Variants in STAG1 observed in about 807,000 individuals in gnomAD.
STAG1 encodes the protein cohesin subunit SA-1.
STAG1 carries 26 observed loss-of-function variants against 170.9 expected under a neutral mutation model. The observed-to-expected ratio is 0.15, with a 90% confidence interval of 0.11 to 0.21. The LOEUF (loss-of-function observed/expected upper bound fraction) is 0.21. STAG1 is among the 10% of genes least tolerant of loss of function. STAG1 has a pLI of 1.00. For synonymous variants in STAG1, 514 were observed against 497.7 expected (o/e 1.03, Z -0.44); for missense variants, 964 against 1,509.5 (o/e 0.64, Z 5.99).
intron 22 of STAG1, among the ~76,000 whole-genome samples, chr3:136,395,572 G>A (rs1387650343): frequency 1.3e-5 from 2 of 152,102 alleles, no homozygotes; most frequent in Admixed American, 6.5e-5. Context: ...AGTGAGTCAA[G>A]ATTGCACCAC....
Position 136,379,529 on chromosome 3 carries a change from T to TA in STAG1, c.2278-1778_2278-1777insT, listed in dbSNP as rs1244570238. 7.2e-5 allele frequency among the ~76,000 whole-genome samples: 11 copies of TA among 152,168 alleles called. No individual in the cohort carries two copies. The East Asian group carries it at 1.9e-3, about 27-fold the overall frequency. The stretch of plus-strand genomic sequence containing the variant: ...TTCGAGACCAGCCTGGCCAACATGA[T>TA]GAAACCCCGTCTCTATTAAAAATAG... On this transcript the variant is annotated intron_variant, in intron 22 of 33. Coordinates refer to ENST00000383202, the MANE Select transcript of STAG1 (RefSeq NM_005862.3).
At chr3:136,429,484 G>C (rs1158388326) in intron 16 of STAG1, among the ~76,000 whole-genome samples, 1 of 152,182 alleles carries the variant, frequency 6.6e-6, no homozygotes, top group Non-Finnish European at 1.5e-5. Context: ...ACTGGTACCA[G>C]ATGATGAGGA....
chr3:136,527,803 A>G (rs897949587), intron 6 of STAG1, among the ~76,000 whole-genome samples: 2 of 152,110 alleles, frequency 1.3e-5, no homozygotes, highest in African/African-American at 4.8e-5. Flanking sequence ...TCCTTCTTAC[A>G]GTCAAGACCC....
At chr3:136,597,643 C>T (rs953140671) in intron 4 of STAG1, among the ~76,000 whole-genome samples, 7 of 152,126 alleles carry the variant, frequency 4.6e-5, no homozygotes, top group African/African-American at 1.7e-4. Flanking sequence ...GAAAAGGCTA[C>T]TGATTTTTTA....
At chr3:136,460,925 A>G (rs951088201) in intron 13 of STAG1, among the ~76,000 whole-genome samples, 1 of 152,234 alleles carries the variant, frequency 6.6e-6, no homozygotes, top group Admixed American at 6.5e-5. Context: ...ACATGCATGT[A>G]AAAATTCTCA....
At chr3:136,626,317 T>C (rs1940089857) in intron 2 of STAG1, among the ~76,000 whole-genome samples, 1 of 151,318 alleles carries the variant, frequency 6.6e-6, no homozygotes, top group Non-Finnish European at 1.5e-5. Context: ...TCCCAGCTAC[T>C]TGGGAGGCTG....
chr3:136,599,523 T>C (rs1166571707), intron 4 of STAG1, among the ~76,000 whole-genome samples: 2 of 152,082 alleles, frequency 1.3e-5, no homozygotes, highest in Non-Finnish European at 2.9e-5. Context: ...AGAGCGAGAC[T>C]CTGTCTCAAA....
chr3:136,502,549 G>T, intron 8 of STAG1, 79 bp downstream of exon 8: 2 of 1,423,304 alleles, frequency 1.4e-6, no homozygotes, highest in South Asian at 1.5e-5. Flanking sequence ...CCTTTTTACA[G>T]GGAACTTAAA....
chr3:136,589,628 C>CAAAAAAAAA (rs71626007), intron 4 of STAG1, among the ~76,000 whole-genome samples: 2 of 46,210 alleles, frequency 4.3e-5, no homozygotes, highest in African/African-American at 1.4e-4. Flanking sequence ...CAAAGGGAGC[C>CAAAAAAAAA]AAAAAAAAAA....
chr3:136,368,776 G>A (rs1197076789), intron 24 of STAG1, among the ~76,000 whole-genome samples: 1 of 152,120 alleles, frequency 6.6e-6, no homozygotes, highest in African/African-American at 2.4e-5. Context: ...TTAAAGGAGG[G>A]AGACTTCACT....
intron 29 of STAG1, among the ~76,000 whole-genome samples, chr3:136,347,057 C>T (rs1342836850): frequency 4.9e-5 from 7 of 143,974 alleles, no homozygotes; most frequent in South Asian, 2.2e-4. Context: ...CCAGCCTGGG[C>T]GACAGAGTGA....
At chr3:136,506,631 G>A (rs2107874893) in intron 7 of STAG1, among the ~76,000 whole-genome samples, 1 of 130,592 alleles carries the variant, frequency 7.7e-6, no homozygotes, top group Admixed American at 8.9e-5. Flanking sequence ...GTGAGACACA[G>A]CAAGACTCCA....
At chr3:136,747,686 TA>T (rs1165327806) in intron 1 of STAG1, among the ~76,000 whole-genome samples, 6 of 151,130 alleles carry the variant, frequency 4.0e-5, no homozygotes, top group Non-Finnish European at 7.4e-5. Flanking sequence ...TCTCAAAAAA[TA>T]AAAAATAAAT....
At chr3:136,649,519 A>AG (rs1559930089) in intron 1 of STAG1, among the ~76,000 whole-genome samples, 1 of 151,516 alleles carries the variant, frequency 6.6e-6, no homozygotes, top group African/African-American at 2.4e-5. Context: ...AAAAAAAAAA[A>AG]AAAGAAAGGG....
intron 32 of STAG1, among the ~76,000 whole-genome samples, chr3:136,340,133 A>G (rs1318398971): frequency 6.6e-6 from 1 of 152,138 alleles, no homozygotes; most frequent in East Asian, 1.9e-4. Flanking sequence ...TTCCTCCCAG[A>G]ATTCTGAGAA....
chr3:136,443,187 T>G (rs2107762378), intron 15 of STAG1, 100 bp downstream of exon 15: 1 of 694,616 alleles, frequency 1.4e-6, no homozygotes, highest in South Asian at 2.7e-5. Flanking sequence ...AGACACAACA[T>G]GCTTATATAT....
At chr3:136,465,659 C>T (rs2107800527) in intron 12 of STAG1, among the ~76,000 whole-genome samples, 1 of 144,866 alleles carries the variant, frequency 6.9e-6, no homozygotes, top group South Asian at 2.3e-4. Flanking sequence ...CCAACAAAAT[C>T]AACAAAGTAT....
chr3:136,604,565 C>T (rs1938841110), intron 3 of STAG1, 92 bp from the exon 4 acceptor site: 1 of 1,105,126 alleles, frequency 9.0e-7, no homozygotes, highest in African/African-American at 1.6e-5. Context: ...TAATCCCTAA[C>T]CAAAAGAAAC....
intron 22 of STAG1, among the ~76,000 whole-genome samples, chr3:136,392,557 C>G (rs945431374): frequency 6.6e-6 from 1 of 151,810 alleles, no homozygotes; most frequent in Admixed American, 6.6e-5. Flanking sequence ...ACAAGGTCAG[C>G]AGATCGAGAC....
Sources: gnomAD v4.1 joint callset for allele counts (sites outside exome capture counted in the v4.1 genomes callset) on GRCh38, gnomAD v4.1.1 for gene constraint, MANE v1.5 for transcripts, NCBI Gene and HGNC (gene_info 2026-07-23, HGNC 2026-07-21) for gene names.